CFAP54: variants seen among roughly 807,000 people sequenced by gnomAD.
CFAP54 encodes the protein cilia and flagella associated protein 54, also known as cilia- and flagella-associated protein 54.
CFAP54 carries 290 observed loss-of-function variants against 370.4 expected under a neutral mutation model. That is an observed-to-expected ratio of 0.78 (90% CI 0.71 to 0.86). CFAP54 has a LOEUF of 0.86. CFAP54 is among the 40% of genes least tolerant of loss of function. CFAP54 has a pLI of 0.00. For missense variants in CFAP54, 3,399 were observed against 3,528.7 expected (o/e 0.96, Z 0.93); for synonymous variants, 1,206 against 1,236.5 (o/e 0.98, Z 0.52).
chr12:96,756,621 G>A, intron 57 of CFAP54, 58 bp downstream of exon 57: 1 of 1,149,096 alleles, frequency 8.7e-7, no homozygotes, highest in Non-Finnish European at 1.3e-6. Context: ...CCGTGTTCTT[G>A]TAGTACATTG....
intron 63 of CFAP54, among the ~76,000 whole-genome samples, chr12:96,800,316 T>C (rs1020202207): frequency 2.0e-5 from 3 of 152,184 alleles, no homozygotes; most frequent in Non-Finnish European, 4.4e-5. Flanking sequence ...ACAATTAACA[T>C]AGAAGCATGA....
intron 50 of CFAP54, among the ~76,000 whole-genome samples, chr12:96,724,850 G>A (rs1957809969): frequency 1.3e-5 from 2 of 152,118 alleles, no homozygotes; most frequent in Admixed American, 1.3e-4. Context: ...ATTAATTTTT[G>A]TATAAGGTGT....
intron 26 of CFAP54, among the ~76,000 whole-genome samples, chr12:96,608,434 A>C (rs1477102): frequency 0.42 from 61,781 of 148,272 alleles, 13,487 homozygotes; most frequent in Admixed American, 0.5. Context: ...TGTGACCATG[A>C]GCAGAACTTT....
At chr12:96,534,285 G>T (rs1023239545) in intron 11 of CFAP54, 58 bp downstream of exon 11, 39 of 960,774 alleles carry the variant, frequency 4.1e-5, no homozygotes, top group Non-Finnish European at 5.7e-5. Context: ...CTCTTTTATA[G>T]ATATGGTGAG....
chr12:96,720,566 G>T lies in CFAP54; in HGVS notation c.6965+1G>T. 1 of 1,527,752 alleles carries T rather than the reference G, an allele frequency of 6.5e-7. No individual in the cohort carries two copies. The highest frequency in any genetic ancestry group is 8.8e-7 in the Non-Finnish European group (1 of 1,133,450). 94.6% of individuals were successfully genotyped at this position (1,527,752 alleles called of 1,614,324 possible). Reference sequence around the variant, plus strand: ...TGCAGAGGCACCGGGCGGCATACAGGTGCGTCTCTCCATGCACAGGGGAGG... The same window carrying T: ...TGCAGAGGCACCGGGCGGCATACAGTTGCGTCTCTCCATGCACAGGGGAGG... On this transcript the variant is annotated splice_donor_variant, in intron 50 of 67. Coordinates refer to ENST00000524981, the MANE Select transcript of CFAP54 (RefSeq NM_001306084.2). LOFTEE classifies it high-confidence loss of function.
At chr12:96,639,897 C>G (rs555812050) in intron 32 of CFAP54, among the ~76,000 whole-genome samples, 1 of 152,250 alleles carries the variant, frequency 6.6e-6, no homozygotes, top group East Asian at 1.9e-4. Context: ...GCTAAAAACT[C>G]TCAATAAATT....
chr12:96,850,374 C>T (rs1959505727), intron 66 of CFAP54, among the ~76,000 whole-genome samples: 1 of 151,132 alleles, frequency 6.6e-6, no homozygotes, highest in South Asian at 2.1e-4. Flanking sequence ...AAGGGCGGAG[C>T]AGGAGTCTGA....
intron 66 of CFAP54, among the ~76,000 whole-genome samples, chr12:96,835,458 C>T (rs1221520318): frequency 6.6e-6 from 1 of 152,198 alleles, no homozygotes; most frequent in Non-Finnish European, 1.5e-5. Context: ...AGCCCCCAGC[C>T]TTCAGGCCCT....
chr12:96,549,889 G>A (rs1955677127), intron 15 of CFAP54, among the ~76,000 whole-genome samples: 1 of 152,168 alleles, frequency 6.6e-6, no homozygotes, highest in African/African-American at 2.4e-5. Flanking sequence ...ATTGTAAGGA[G>A]AATTCGCAAT....
chr12:96,617,053 C>G (rs972261535), intron 26 of CFAP54, among the ~76,000 whole-genome samples: 3 of 151,970 alleles, frequency 2.0e-5, no homozygotes, highest in Non-Finnish European at 2.9e-5. Context: ...TCTAAATAGA[C>G]AAGAATAAAG....
At chr12:96,503,854 G>T in intron 2 of CFAP54, 32 bp from the exon 3 acceptor site, 1 of 1,444,276 alleles carries the variant, frequency 6.9e-7, no homozygotes, top group Non-Finnish European at 9.1e-7. Flanking sequence ...ATGATATTTT[G>T]GAACTTTAAT....
intron 50 of CFAP54, among the ~76,000 whole-genome samples, chr12:96,727,839 G>A (rs1241955898): frequency 1.3e-5 from 2 of 151,352 alleles, no homozygotes; most frequent in Non-Finnish European, 2.9e-5. Context: ...CATGTTTAGT[G>A]CTTCCTTCAG....
chr12:96,562,419 A>G (rs961091263), intron 17 of CFAP54, among the ~76,000 whole-genome samples: 1 of 119,260 alleles, frequency 8.4e-6, no homozygotes. Context: ...CTTTTTTTGT[A>G]TTTGCATTCT....
intron 50 of CFAP54, among the ~76,000 whole-genome samples, chr12:96,725,509 T>C (rs1315742945): frequency 6.6e-6 from 1 of 152,138 alleles, no homozygotes; most frequent in Non-Finnish European, 1.5e-5. Flanking sequence ...ATGCTTGTGA[T>C]TTTTGCACAT....
chr12:96,851,057 G>T (rs140052304), intron 66 of CFAP54, among the ~76,000 whole-genome samples: 180 of 152,194 alleles, frequency 1.2e-3, no homozygotes, highest in African/African-American at 4.1e-3. Flanking sequence ...GGTCCTGAAA[G>T]AAATACTTTA....
At position 96,636,427 on chromosome 12, in the gene CFAP54, C is replaced by G. The variant is rs781020121; in HGVS notation, c.4316+5776C>G. The stretch of plus-strand genomic sequence containing the variant: ...ATATTTATTCATAAAAAGTTATACT[C>G]TCACATTAACTTTTGACTCTCTGCT... On this transcript the variant is annotated intron_variant, in intron 32 of 67. Transcript: ENST00000524981. 7.2e-5 allele frequency among the ~76,000 whole-genome samples: 11 copies of G among 152,256 alleles called. No homozygotes were observed. The East Asian group carries it at 1.5e-3, about 21-fold the overall frequency.
intron 60 of CFAP54, among the ~76,000 whole-genome samples, chr12:96,777,070 A>G (rs1008864595): frequency 1.3e-5 from 2 of 152,156 alleles, no homozygotes; most frequent in African/African-American, 4.8e-5. Flanking sequence ...TTTTGAACAA[A>G]TGTTTGCCTC....
intron 26 of CFAP54, among the ~76,000 whole-genome samples, chr12:96,601,213 A>G (rs1956238208): frequency 6.6e-6 from 1 of 152,214 alleles, no homozygotes; most frequent in South Asian, 2.1e-4. Context: ...TATTGAGATA[A>G]TCATGTGGTT....
At chr12:96,553,527 G>GTT (rs1299532482) in intron 15 of CFAP54, among the ~76,000 whole-genome samples, 2 of 139,608 alleles carry the variant, frequency 1.4e-5, no homozygotes, top group African/African-American at 2.7e-5. Flanking sequence ...AATATATATA[G>GTT]TTATATATAT....
Sources: allele counts gnomAD v4.1 joint callset (sites outside exome capture counted in the v4.1 genomes callset), GRCh38; gene constraint gnomAD v4.1.1; transcripts MANE v1.5; gene names NCBI Gene and HGNC (gene_info 2026-07-23, HGNC 2026-07-21).